The following LUZP1 variants were observed in gnomAD, a reference collection of about 807,000 sequenced individuals.
LUZP1 encodes leucine zipper protein 1.
Under a neutral mutation model 71.3 loss-of-function variants are expected in LUZP1, and 25 were observed. That is an observed-to-expected ratio of 0.35 (90% CI 0.26 to 0.49). The LOEUF (loss-of-function observed/expected upper bound fraction) is 0.49. LUZP1 is among the 20% of genes least tolerant of loss of function. LUZP1 has a pLI of 0.99. For synonymous variants in LUZP1, 481 were observed against 506.4 expected, an observed-to-expected ratio of 0.95 and a Z score of 0.67; for missense variants, 1,142 against 1,300.8, an observed-to-expected ratio of 0.88 and a Z score of 1.88.
intron 2 of LUZP1, among the ~76,000 whole-genome samples, chr1:23,166,048 CAA>C (rs76454136): frequency 2.8e-4 from 28 of 98,504 alleles, no homozygotes; most frequent in Admixed American, 4.6e-4. Flanking sequence ...GTCTTTTTAC[CAA>C]AAAAAAAAAA....
intron 2 of LUZP1, among the ~76,000 whole-genome samples, chr1:23,133,090 ACT>A (rs1325315292): frequency 2.0e-5 from 3 of 152,184 alleles, no homozygotes; most frequent in African/African-American, 7.2e-5. Context: ...AAAGAAAGAC[ACT>A]CTATTTTGGA....
chr1:23,120,390 GTC>G (rs150184220), intron 2 of LUZP1, among the ~76,000 whole-genome samples: 22,301 of 151,462 alleles, frequency 0.15, 1,938 homozygotes, highest in South Asian at 0.32. Context: ...ATGGAGACAG[GTC>G]TCTCTGTCAC....
At chr1:23,104,737 A>G (rs1486674537) in intron 3 of LUZP1, among the ~76,000 whole-genome samples, 1 of 152,184 alleles carries the variant, frequency 6.6e-6, no homozygotes, top group Non-Finnish European at 1.5e-5. Flanking sequence ...AAATTAATGT[A>G]ATAGTTTTAT....
chr1:23,145,813 CA>C (rs1208209330), intron 2 of LUZP1, among the ~76,000 whole-genome samples: 1 of 151,994 alleles, frequency 6.6e-6, no homozygotes, highest in East Asian at 1.9e-4. Context: ...CCCAGAAAAA[CA>C]GAGTTCCTTT....
In LUZP1 at chr1:23,094,619, A is replaced by T. The variant is rs1643883241; in HGVS notation, c.-119-239T>A. On this transcript the variant is annotated intron_variant, in intron 3 of 4. Transcript: ENST00000302291. The surrounding 1 kb of genome is among the most constrained non-coding windows in gnomAD (Gnocchi z 4.7). ...TGTCACCAGTGGCAGCATGGCAAAA[A>T]GACATATAAGAAGCCTCAATTTTCA... is the stretch of plus-strand genomic sequence containing the variant. Among the ~76,000 whole-genome samples the T allele has an allele frequency of 6.6e-6, 1 of 152,206 alleles. No homozygotes were observed. Among genetic ancestry groups the T allele is most frequent in the South Asian group, 2.1e-4 (1 of 4,828 alleles).
At chr1:23,168,942 C>T (rs1385012263) in exon 2 of LUZP1, 1 of 151,420 alleles carries the variant, frequency 6.6e-6, no homozygotes, top group Non-Finnish European at 1.5e-5. Context: ...GGCCCCGCCC[C>T]CTCCGTCCTT....
chr1:23,116,831 T>C (rs1644083279), intron 2 of LUZP1, among the ~76,000 whole-genome samples: 1 of 152,198 alleles, frequency 6.6e-6, no homozygotes, highest in Non-Finnish European at 1.5e-5. Context: ...ACTCAGAGAA[T>C]GTGACTTCCC....
intron 2 of LUZP1, among the ~76,000 whole-genome samples, chr1:23,120,525 A>T (rs1438266494): frequency 3.3e-5 from 5 of 149,818 alleles, no homozygotes; most frequent in Non-Finnish European, 4.5e-5. Flanking sequence ...AATTTTTTTT[A>T]TTTTTATTTT....
chr1:23,120,915 C>T (rs1172884308), intron 2 of LUZP1, among the ~76,000 whole-genome samples: 1 of 152,196 alleles, frequency 6.6e-6, no homozygotes, highest in Non-Finnish European at 1.5e-5. Flanking sequence ...CTCCCCTGGC[C>T]TCTACAAACG....
At chr1:23,125,647 G>C (rs1644166598) in intron 2 of LUZP1, among the ~76,000 whole-genome samples, 1 of 152,160 alleles carries the variant, frequency 6.6e-6, no homozygotes, top group Admixed American at 6.5e-5. Context: ...GTGGCTAATA[G>C]TGAAAACACA....
intron 2 of LUZP1, among the ~76,000 whole-genome samples, chr1:23,165,448 G>A (rs566806566): frequency 2.5e-4 from 38 of 151,590 alleles, no homozygotes; most frequent in African/African-American, 8.7e-4. Flanking sequence ...GACATGGGAG[G>A]ATCCCCTGAA....
At chr1:23,104,643 G>A (rs1258235464) in intron 3 of LUZP1, among the ~76,000 whole-genome samples, 1 of 152,180 alleles carries the variant, frequency 6.6e-6, no homozygotes. Flanking sequence ...TGAGAGCAGG[G>A]ACTGTGTTAT....
At chr1:23,102,970 C>G (rs1377519184) in intron 3 of LUZP1, among the ~76,000 whole-genome samples, 1 of 151,916 alleles carries the variant, frequency 6.6e-6, no homozygotes, top group African/African-American at 2.4e-5. Context: ...GAGACAGGGT[C>G]TACCAGGCTG....
intron 3 of LUZP1, among the ~76,000 whole-genome samples, chr1:23,099,172 C>A (rs1474756380): frequency 3.9e-5 from 6 of 152,200 alleles, no homozygotes; most frequent in Admixed American, 3.9e-4. Flanking sequence ...GAAAGCTTTT[C>A]CCTTTTAAAA....
intron 3 of LUZP1, among the ~76,000 whole-genome samples, chr1:23,101,611 G>A (rs529333243): frequency 6.6e-6 from 1 of 152,284 alleles, no homozygotes; most frequent in African/African-American, 2.4e-5. Flanking sequence ...TTTCATCAGG[G>A]AAAATCCTCC....
At chr1:23,103,235 G>A (rs1643945819) in intron 3 of LUZP1, among the ~76,000 whole-genome samples, 1 of 151,732 alleles carries the variant, frequency 6.6e-6, no homozygotes, top group African/African-American at 2.4e-5. Context: ...GCGAGCCACC[G>A]CCCCTGGCCA....
chr1:23,164,016 C>G (rs562865573), intron 2 of LUZP1: 2 of 152,294 alleles, frequency 1.3e-5, no homozygotes, highest in African/African-American at 4.8e-5. Flanking sequence ...GCATGTCCCC[C>G]GCTCAAGGAG....
chr1:23,099,726 A>C (rs1209507915), intron 3 of LUZP1, among the ~76,000 whole-genome samples: 3 of 152,230 alleles, frequency 2.0e-5, no homozygotes, highest in Non-Finnish European at 4.4e-5. Context: ...CAACTAGTAC[A>C]GGCAATGAAA....
At chr1:23,156,099 G>A (rs373545800) in intron 2 of LUZP1, among the ~76,000 whole-genome samples, 1 of 152,046 alleles carries the variant, frequency 6.6e-6, no homozygotes, top group Non-Finnish European at 1.5e-5. Context: ...AAATAAAGCC[G>A]GCCAGGCACG....
Sources: allele counts gnomAD v4.1 joint callset (sites outside exome capture counted in the v4.1 genomes callset), GRCh38; gene constraint gnomAD v4.1.1; non-coding constraint Gnocchi (gnomAD v3.1); transcripts MANE v1.5; gene names NCBI Gene and HGNC (gene_info 2026-07-23, HGNC 2026-07-21).